Variants in ETV6 observed in about 807,000 individuals in gnomAD.
ETV6 encodes transcription factor ETV6.
A neutral mutation model predicts 51.1 loss-of-function variants in ETV6; 16 were observed. The ratio of observed to expected loss-of-function variants is 0.31; its 90% CI spans 0.21 to 0.48. The LOEUF (loss-of-function observed/expected upper bound fraction) is 0.48, where lower values mean the gene tolerates loss of function less well. ETV6 is among the 20% of genes least tolerant of loss of function. The probability of loss-of-function intolerance (pLI) is 0.99; values close to 1 mark genes in which losing one functional copy is unlikely to be tolerated. For synonymous variants in ETV6, 240 were observed against 224.1 expected (o/e 1.07, Z -0.64); for missense variants, 458 against 594.8 (o/e 0.77, Z 2.39).
At chr12:11,765,669 TC>T (rs1945151694) in intron 2 of ETV6, among the ~76,000 whole-genome samples, 1 of 151,890 alleles carries the variant, frequency 6.6e-6, no homozygotes, top group Non-Finnish European at 1.5e-5. Flanking sequence ...TTGAGATATC[TC>T]CCCCTTCCTT....
chr12:11,813,197 G>A (rs990483637), intron 2 of ETV6, among the ~76,000 whole-genome samples: 1 of 152,232 alleles, frequency 6.6e-6, no homozygotes, highest in African/African-American at 2.4e-5. Context: ...TCCTTCCATG[G>A]AGAGACTTGG....
intron 5 of ETV6, among the ~76,000 whole-genome samples, chr12:11,880,856 A>G (rs1004401971): frequency 1.7e-4 from 26 of 152,228 alleles, no homozygotes; most frequent in African/African-American, 5.8e-4. Context: ...CCTATTTGCA[A>G]TGGAAATGAT....
At chr12:11,762,323 A>G (rs1273035623) in intron 2 of ETV6, among the ~76,000 whole-genome samples, 1 of 152,192 alleles carries the variant, frequency 6.6e-6, no homozygotes, top group Non-Finnish European at 1.5e-5. Context: ...GGCTTCTGCT[A>G]ACTATCTACT....
At chr12:11,837,991 C>A (rs532605832) in intron 2 of ETV6, among the ~76,000 whole-genome samples, 5 of 152,318 alleles carry the variant, frequency 3.3e-5, no homozygotes, top group African/African-American at 7.2e-5. Flanking sequence ...ATAGCCAACT[C>A]TATATTAATG....
Position 11,785,108 on chromosome 12 carries a change from A to G in ETV6, c.163+32529A>G, listed in dbSNP as rs548346216. Among the ~76,000 whole-genome samples the G allele has an allele frequency of 3.9e-5, 6 of 152,052 alleles. No individual in the cohort carries two copies. The East Asian group carries it at 1.2e-3, about 30-fold the overall frequency. On this transcript the variant is annotated intron_variant, in intron 2 of 7. Coordinates refer to ENST00000396373, the MANE Select transcript of ETV6 (RefSeq NM_001987.5). ...AATCATTCTAGCTATTGTGTAGAGG[A>G]TAGGAAGAGGGAGAGTGGGAGAAAG...
At chr12:11,733,130 T>C (rs1865633530) in intron 1 of ETV6, among the ~76,000 whole-genome samples, 3 of 152,168 alleles carry the variant, frequency 2.0e-5, no homozygotes, top group Admixed American at 6.5e-5. Flanking sequence ...CACTTTGGGC[T>C]GGGCGCAGTG....
intron 6 of ETV6, among the ~76,000 whole-genome samples, chr12:11,885,046 A>G (rs183183362): frequency 1.3e-5 from 2 of 152,348 alleles, no homozygotes; most frequent in Middle Eastern, 3.4e-3. Flanking sequence ...CATCCCCTTT[A>G]TAAGCAAGCG....
At chr12:11,717,515 C>G (rs570240566) in intron 1 of ETV6, among the ~76,000 whole-genome samples, 1 of 152,174 alleles carries the variant, frequency 6.6e-6, no homozygotes, top group Non-Finnish European at 1.5e-5. Flanking sequence ...AATACAGTAA[C>G]GCTATGGGGC....
At chr12:11,835,950 C>T (rs1159804692) in intron 2 of ETV6, among the ~76,000 whole-genome samples, 11 of 152,190 alleles carry the variant, frequency 7.2e-5, no homozygotes, top group African/African-American at 2.7e-4. Context: ...CCTCAGTTTC[C>T]TAATCTGAAT....
chr12:11,855,657 G>A (rs1324479815), intron 4 of ETV6, among the ~76,000 whole-genome samples: 1 of 152,194 alleles, frequency 6.6e-6, no homozygotes, highest in Non-Finnish European at 1.5e-5. Context: ...GACTCCAGGC[G>A]ATGACACCAC....
intron 2 of ETV6, among the ~76,000 whole-genome samples, chr12:11,776,601 T>G (rs1317702918): frequency 1.3e-5 from 2 of 152,180 alleles, no homozygotes; most frequent in African/African-American, 2.4e-5. Flanking sequence ...GATGGACACA[T>G]TCTTTCTATC....
At chr12:11,872,217 G>T (rs1946890324) in intron 5 of ETV6, among the ~76,000 whole-genome samples, 1 of 152,208 alleles carries the variant, frequency 6.6e-6, no homozygotes, top group Non-Finnish European at 1.5e-5. Context: ...AGAGGCAAAG[G>T]CCTTTGCCAA....
At chr12:11,755,988 T>C (rs546384311) in intron 2 of ETV6, among the ~76,000 whole-genome samples, 2 of 152,332 alleles carry the variant, frequency 1.3e-5, no homozygotes, top group East Asian at 1.9e-4. Flanking sequence ...AGAGATCATA[T>C]TATTTAAGGT....
intron 2 of ETV6, among the ~76,000 whole-genome samples, chr12:11,814,102 T>A (rs551511335): frequency 6.6e-6 from 1 of 152,316 alleles, no homozygotes; most frequent in African/African-American, 2.4e-5. Flanking sequence ...ACTGGTACAT[T>A]TTATATTTTA....
intron 3 of ETV6, among the ~76,000 whole-genome samples, 171 bp from the exon 4 acceptor site, chr12:11,853,255 TG>T: frequency 6.6e-6 from 1 of 152,356 alleles, no homozygotes; most frequent in South Asian, 2.1e-4. Flanking sequence ...TCTGACCTTT[TG>T]AGTTTCAAGT....
At chr12:11,650,486 A>C (rs867549429) in intron 1 of ETV6, among the ~76,000 whole-genome samples, 14 of 59,388 alleles carry the variant, frequency 2.4e-4, no homozygotes, top group African/African-American at 8.3e-4. Context: ...GCGCTTAAAA[A>C]AAAAAAAAAC....
At chr12:11,808,020 A>C (rs1945854730) in intron 2 of ETV6, among the ~76,000 whole-genome samples, 2 of 152,206 alleles carry the variant, frequency 1.3e-5, no homozygotes, top group Admixed American at 1.3e-4. Flanking sequence ...TCCACCCATA[A>C]ATCAATGAAA....
chr12:11,792,831 G>A (rs58952196), intron 2 of ETV6, among the ~76,000 whole-genome samples: 2,112 of 152,232 alleles, frequency 0.014, 48 homozygotes, highest in African/African-American at 0.048. Context: ...AAAGCATTAA[G>A]TTTTATTTCC....
chr12:11,750,520 C>G (rs891824134), intron 1 of ETV6, among the ~76,000 whole-genome samples: 9 of 152,264 alleles, frequency 5.9e-5, no homozygotes, highest in African/African-American at 2.2e-4. Context: ...TTCTTGCACT[C>G]ATGAAGCACC....
Sources: allele counts gnomAD v4.1 joint callset (sites outside exome capture counted in the v4.1 genomes callset), GRCh38; gene constraint gnomAD v4.1.1; transcripts MANE v1.5; gene names NCBI Gene and HGNC (gene_info 2026-07-23, HGNC 2026-07-21).